Variants in ANO8 observed in about 807,000 individuals in gnomAD.
The protein encoded by ANO8 is anoctamin 8, also known as anoctamin-8.
In ANO8, 67 loss-of-function variants were observed where a neutral mutation model predicts 120.4. The observed-to-expected ratio is 0.56, with a 90% CI of 0.46 to 0.68. ANO8 has a LOEUF of 0.68. ANO8 is among the 30% of genes least tolerant of loss of function. The probability of loss-of-function intolerance (pLI) is 0.00; values close to 1 mark genes in which losing one functional copy is unlikely to be tolerated. For missense variants in ANO8, 1,526 were observed against 1,737.6 expected (o/e 0.88, Z 2.16); for synonymous variants, 727 against 759.2 (o/e 0.96, Z 0.70).
intron 5 of ANO8, among the ~76,000 whole-genome samples, chr19:17,331,930 G>GGTTTT (rs2074321431): frequency 1.2e-5 from 1 of 83,716 alleles, no homozygotes; most frequent in Non-Finnish European, 2.6e-5. Flanking sequence ...ACCGCGCCCG[G>GGTTTT]CTTTTTTTTT....
chr19:17,330,676 C>T, intron 8 of ANO8, 152 bp downstream of exon 8: 2 of 1,399,534 alleles, frequency 1.4e-6, no homozygotes, highest in Admixed American at 2.3e-5. Context: ...TCCACCTCTC[C>T]CCCTGGGGAG....
rs2074287330 is a variant in ANO8 at position 17,328,227 on chromosome 19, G to A, written c.2161C>T (p.Pro721Ser). The A allele has an allele frequency of 6.2e-7, 1 of 1,606,780 alleles. No individual in the cohort carries two copies. Among genetic ancestry groups the A allele is most frequent in the East Asian group, 2.2e-5 (1 of 44,662 alleles). Residue 721 changes from proline (P) to serine (S), a missense_variant, in exon 13 of 18, where the codon CCG (proline) becomes TCG (serine). Coordinates refer to ENST00000159087, the MANE Select transcript of ANO8 (RefSeq NM_020959.3). ...AGCTGGGGCGAGTGTTCCTCCTCCGGCGGGTCAATCCAAGACGACCGGTTC... is the reference window on the plus strand; with the variant it reads ...AGCTGGGGCGAGTGTTCCTCCTCCGACGGGTCAATCCAAGACGACCGGTTC... ...RQNRSSWIDP[P>S]EEEHSPQLTQ...
chr19:17,324,021 G>A (rs1296449314), intron 17 of ANO8, 137 bp from the exon 18 acceptor site: 12 of 978,892 alleles, frequency 1.2e-5, no homozygotes, highest in Admixed American at 5.6e-5. Flanking sequence ...GACTGAGGTG[G>A]GGCGGCCCCC....
chr19:17,333,709 G>A lies in ANO8; in HGVS notation c.198C>T (p.Asp66=), dbSNP rs1326167221. ...WMKTVPTENC[D]VLMTFPDTTD... Reference sequence around the variant, plus strand: ...GGGTACCTGGGAAGGTCATCAGCACGTCGCAGTTCTCTGTAGGCACCGTCT... The same window carrying A: ...GGGTACCTGGGAAGGTCATCAGCACATCGCAGTTCTCTGTAGGCACCGTCT... The change falls in exon 2 of 18, where the codon GAC becomes GAT. Residue 66 remains aspartate, a synonymous_variant. Coordinates refer to ENST00000159087, the MANE Select transcript of ANO8 (RefSeq NM_020959.3). The surrounding 1 kb of genome is among the most constrained non-coding windows in gnomAD (Gnocchi z 7.2). 6.9e-6 allele frequency: 11 copies of A among 1,603,850 alleles called. No homozygotes were observed. The highest frequency in any genetic ancestry group is 6.8e-5 in the Admixed American group (4 of 59,144).
rs1459224765 is a variant in ANO8 at position 17,323,661 on chromosome 19, G to A, written c.3555C>T (p.Pro1185=). 2.4e-5 allele frequency: 29 copies of A among 1,216,874 alleles called. No homozygotes were observed. Among genetic ancestry groups the A allele is most frequent in the East Asian group, 6.4e-5 (2 of 31,332 alleles). The allele number at this position is 1,216,874 out of a possible 1,614,324, so 75.4% of individuals were successfully genotyped here. A position where few individuals can be genotyped will look rare whatever the true frequency, so the allele number is the denominator to read the frequency against. Residue 1185 remains proline (P), a synonymous_variant, in exon 18 of 18, where the codon CCC becomes CCT. Transcript: ENST00000159087. ...PCAMAGPPPA[P]QPLPGDASFY... is the part of the protein sequence containing the mutation. ...AGCTGGCGTCTCCCGGCAGGGGCTG[G>A]GGGGCGGGTGGGGGCCCGGCCATGG...
intron 12 of ANO8, chr19:17,329,305 CCA>C (rs1454176439): frequency 5.4e-6 from 2 of 373,192 alleles, no homozygotes; most frequent in African/African-American, 2.1e-5. Flanking sequence ...GCCCCCGACC[CCA>C]GATTCCCTCC....
At chr19:17,331,444 C>T (rs1194473953) in intron 5 of ANO8, 33 bp from the exon 6 acceptor site, 2 of 1,595,792 alleles carry the variant, frequency 1.3e-6, no homozygotes, top group Admixed American at 3.3e-5. Flanking sequence ...GATCCCCGCC[C>T]CTCCACCTGT....
Position 17,328,893 on chromosome 19 carries a change from C to T in ANO8, c.1495G>A (p.Glu499Lys), listed in dbSNP as rs775160939. The T allele has an allele frequency of 6.6e-7, 1 of 1,504,290 alleles. No individual in the cohort carries two copies. Among genetic ancestry groups the T allele is most frequent in the South Asian group, 1.2e-5 (1 of 80,694 alleles). The allele number at this position is 1,504,290 out of a possible 1,614,324, so 93.2% of individuals were successfully genotyped here. The change falls in exon 13 of 18, where the codon GAG becomes AAG. Residue 499 changes from glutamate to lysine, a missense_variant. Physicochemically the swap from Glu to Lys is moderately conservative, Grantham distance 56. Coordinates refer to ENST00000159087, the MANE Select transcript of ANO8 (RefSeq NM_020959.3). ...PHLYRRLGRG[E>K]LGLRAVWELA... ...TCCCAGACGGCCCGCAGGCCCAGCT[C>T]GCCGCGGCCCAGGCGCCGGTACAGG...
Position 17,333,390 on chromosome 19 carries a change from G to T in ANO8, c.350+32C>A. 1 of 1,613,278 alleles carries T rather than the reference G, an allele frequency of 6.2e-7. No individual in the cohort carries two copies. Among genetic ancestry groups the T allele is most frequent in the Non-Finnish European group, 8.5e-7 (1 of 1,179,836 alleles). On this transcript the variant is annotated intron_variant, in intron 3 of 17. Coordinates refer to ENST00000159087, the MANE Select transcript of ANO8 (RefSeq NM_020959.3). This position sits in a 1 kb window ranked among gnomAD's most constrained non-coding sequence, Gnocchi z 7.2. ...GGTAGAGCGGGGAGTCGGGTGGCAGGCTCAGCGAGAGGCCAGGGACAGGGG... is the reference window on the plus strand; with the variant it reads ...GGTAGAGCGGGGAGTCGGGTGGCAGTCTCAGCGAGAGGCCAGGGACAGGGG...
At position 17,333,177 on chromosome 19, in the gene ANO8, C is replaced by T. The variant is rs2074332322; in HGVS notation, c.413G>A (p.Gly138Asp). The T allele has an allele frequency of 1.2e-6, 2 of 1,610,170 alleles. No individual in the cohort carries two copies. Among genetic ancestry groups the T allele is most frequent in the Non-Finnish European group, 8.5e-7 (1 of 1,178,268 alleles). ...CTCCTCGCAGGAGAAGCCGCGGGTG[C>T]CCCCGCCAAACTCGGCCTTCACTGC... ...RKAVKAEFGG[G>D]TRGFSCEEDF... is the part of the protein sequence containing the mutation. The change falls in exon 4 of 18, where the codon GGC becomes GAC. Residue 138 changes from glycine (G) to aspartate (D), a missense_variant. Coordinates refer to ENST00000159087, the MANE Select transcript of ANO8 (RefSeq NM_020959.3). The surrounding 1 kb of genome is among the most constrained non-coding windows in gnomAD (Gnocchi z 7.2).
chr19:17,334,815 G>C lies in ANO8; in HGVS notation c.-145C>G. ...CGCCGGCCTCGGTCCTCGCTCGCCC[G>C]AGCGCTGCTTCTCGTCCCCGCCCGA... On this transcript the variant is annotated 5_prime_UTR_variant, in exon 1 of 18. Coordinates refer to ENST00000159087, the MANE Select transcript of ANO8 (RefSeq NM_020959.3). 2 of 1,223,748 alleles carry C rather than the reference G, an allele frequency of 1.6e-6. No homozygotes were observed. Among genetic ancestry groups the C allele is most frequent in the South Asian group, 3.3e-5 (2 of 61,016 alleles). 75.8% of individuals were successfully genotyped at this position (1,223,748 alleles called of 1,614,324 possible).
At chr19:17,325,671 T>A (rs2145684116) in intron 16 of ANO8, among the ~76,000 whole-genome samples, 1 of 152,362 alleles carries the variant, frequency 6.6e-6, no homozygotes, top group South Asian at 2.1e-4. Flanking sequence ...CTTGCGCCTG[T>A]AATCCCAGCA....
rs58263758 is a variant in ANO8 at position 17,323,311 on chromosome 19, C to CTGTGTGTGTGTGTGTGTGTG, written c.*186_*205dup. The CTGTGTGTGTGTGTGTGTGTG allele has an allele frequency of 6.7e-5, 22 of 327,486 alleles. No homozygotes were observed. Among genetic ancestry groups the CTGTGTGTGTGTGTGTGTGTG allele is most frequent in the Middle Eastern group, 7.9e-4 (1 of 1,266 alleles). 20.3% of individuals were successfully genotyped at this position (327,486 alleles called of 1,614,324 possible). On this transcript the variant is annotated 3_prime_UTR_variant, in exon 18 of 18. Transcript: ENST00000159087. ...AAAAACAAATAAATAATCGCCTGTT[C>CTGTGTGTGTGTGTGTGTGTG]TGTGTGTGTGTGTGTGTGTGTGTGT... is the stretch of plus-strand genomic sequence containing the variant.
At position 17,334,847 on chromosome 19, in the gene ANO8, CCT is replaced by C; in HGVS notation, c.-179_-178del. Reference sequence around the variant, plus strand: ...GCTTCTCGTCCCCGCCCGAGCCGAACCTCGATTCTCCTTCCCGGCCCGATGCA... The same window carrying C: ...GCTTCTCGTCCCCGCCCGAGCCGAACCGATTCTCCTTCCCGGCCCGATGCA... On this transcript the variant is annotated 5_prime_UTR_variant, in exon 1 of 18. Coordinates refer to ENST00000159087, the MANE Select transcript of ANO8 (RefSeq NM_020959.3). 7.7e-7 allele frequency: 1 copy of C among 1,303,540 alleles called. No individual in the cohort carries two copies. Among genetic ancestry groups the C allele is most frequent in the Non-Finnish European group, 1.0e-6 (1 of 983,552 alleles). 80.7% of individuals were successfully genotyped at this position (1,303,540 alleles called of 1,614,324 possible).
rs945780172 is a variant in ANO8, at chr19:17,323,793, G to C, written c.3423C>G (p.Pro1141=). Residue 1141 remains proline (P), a synonymous_variant, in exon 18 of 18, where the codon CCC becomes CCG. Coordinates refer to ENST00000159087, the MANE Select transcript of ANO8 (RefSeq NM_020959.3). ...GCCAGCAGCCTGCGGGCGGTGTCGG[G>C]GGCCGGGGCAGCGGCATTGGCGGCG... is the stretch of plus-strand genomic sequence containing the variant. ...APPPPMPLPR[P]PTPPAGCWQW... is the part of the protein sequence containing the mutation. 1.4e-5 allele frequency: 16 copies of C among 1,158,334 alleles called. No individual in the cohort carries two copies. Among genetic ancestry groups the C allele is most frequent in the African/African-American group, 1.6e-5 (1 of 61,322 alleles). 71.8% of individuals were successfully genotyped at this position (1,158,334 alleles called of 1,614,324 possible). A position where few individuals can be genotyped will look rare whatever the true frequency, so the allele number is the denominator to read the frequency against.
rs1391585870 is a variant in ANO8, at chr19:17,330,858, T to G, written c.963A>C (p.Glu321Asp). 3.1e-6 allele frequency: 5 copies of G among 1,614,018 alleles called. No individual in the cohort carries two copies. In the African/African-American group the frequency reaches 6.7e-5, roughly 22 times the overall value. The change falls in exon 8 of 18, where the codon GAA becomes GAC. Residue 321 changes from glutamate to aspartate, a missense_variant. Glu to Asp is a conservative substitution (Grantham distance 45). This residue lies in a region of ANO8 where 322 missense variants were observed against 431.8 expected (regional missense o/e 0.75). Coordinates refer to ENST00000159087, the MANE Select transcript of ANO8 (RefSeq NM_020959.3). ...ACTGGGGGCGTGGCTCCTCCACGGC[T>G]TCCCCAGGTGAGTCCAGCGTCCCCC... Reference protein sequence around the residue: ...YKWGTLDSPGEAVEEPRPQFR... With the variant: ...YKWGTLDSPGDAVEEPRPQFR...
In ANO8 at chr19:17,328,297, C is replaced by T. The variant is rs201481629; in HGVS notation, c.2091G>A (p.Pro697=). Residue 697 remains proline, a synonymous_variant, in exon 13 of 18, where the codon CCG becomes CCA. Coordinates refer to ENST00000159087, the MANE Select transcript of ANO8 (RefSeq NM_020959.3). ...TCGAATCGCTGTTGGAGCCGGGTTC[C>T]GGGTCCGGGCCCCCGTCGGGCCCCT... is the stretch of plus-strand genomic sequence containing the variant. ...RDQGPDGGPD[P]EPGSNSDSTR... is the part of the protein sequence containing the mutation. 2 of 1,603,382 alleles carry T rather than the reference C, an allele frequency of 1.2e-6. No individual in the cohort carries two copies. Among genetic ancestry groups the T allele is most frequent in the Non-Finnish European group, 1.7e-6 (2 of 1,176,432 alleles).
At chr19:17,329,042 G>C in intron 12 of ANO8, 59 bp from the exon 13 acceptor site, 1 of 1,338,126 alleles carries the variant, frequency 7.5e-7, no homozygotes, top group Non-Finnish European at 9.8e-7. Flanking sequence ...CGCCGGGATC[G>C]GGGGACTCAC....
chr19:17,325,959 C>G (rs910163042), intron 16 of ANO8, among the ~76,000 whole-genome samples: 6 of 152,144 alleles, frequency 3.9e-5, no homozygotes, highest in Non-Finnish European at 7.3e-5. Context: ...GTATTGGGCG[C>G]CAGCTTCATC....
Sources: allele counts gnomAD v4.1 joint callset (sites outside exome capture counted in the v4.1 genomes callset), GRCh38; gene constraint gnomAD v4.1.1; regional missense constraint gnomAD v4.1.1; non-coding constraint Gnocchi (gnomAD v3.1); transcripts MANE v1.5; gene names NCBI Gene and HGNC (gene_info 2026-07-23, HGNC 2026-07-21).